TRPM6: variants seen among roughly 807,000 people sequenced by gnomAD.
TRPM6 encodes transient receptor potential cation channel subfamily M member 6, also known as channel kinase 2.
Under a neutral mutation model 247.6 loss-of-function variants are expected in TRPM6, and 111 were observed. The ratio of observed to expected loss-of-function variants is 0.45; its 90% CI spans 0.38 to 0.52. The LOEUF is 0.52. TRPM6 is among the 20% of genes least tolerant of loss of function. The pLI, the probability that TRPM6 is intolerant of heterozygous loss-of-function variation, is 0.00. For synonymous variants in TRPM6, 892 were observed against 853.8 expected (o/e 1.04, Z -0.78); for missense variants, 2,126 against 2,421.5 (o/e 0.88, Z 2.56).
chr9:74,848,853 G>A (rs1181599878), intron 3 of TRPM6, among the ~76,000 whole-genome samples: 1 of 152,046 alleles, frequency 6.6e-6, no homozygotes, highest in Non-Finnish European at 1.5e-5. Flanking sequence ...AATACATACA[G>A]TGAGAAGAAA....
intron 9 of TRPM6, among the ~76,000 whole-genome samples, chr9:74,817,186 C>T (rs1363278736): frequency 1.3e-5 from 2 of 152,108 alleles, no homozygotes; most frequent in Non-Finnish European, 2.9e-5. Flanking sequence ...CCAGAGGAAA[C>T]ATTTATGAAA....
chr9:74,788,772 TGA>T (rs749118725), intron 19 of TRPM6, 30 bp from the exon 20 acceptor site: 9 of 1,611,902 alleles, frequency 5.6e-6, no homozygotes, highest in Non-Finnish European at 6.8e-6. Flanking sequence ...TCCCCAGATG[TGA>T]GTGAGAGCAA....
intron 25 of TRPM6, among the ~76,000 whole-genome samples, chr9:74,771,363 T>G (rs1353055861): frequency 6.6e-6 from 1 of 152,230 alleles, no homozygotes; most frequent in Admixed American, 6.5e-5. Context: ...TTTTTGTGGT[T>G]CCTTACTTAG....
chr9:74,736,956 GT>G (rs371798390), intron 36 of TRPM6, among the ~76,000 whole-genome samples: 3 of 150,770 alleles, frequency 2.0e-5, no homozygotes, highest in South Asian at 2.1e-4. Context: ...TTCTTTCGTT[GT>G]TTTTTTTTGT....
intron 25 of TRPM6, among the ~76,000 whole-genome samples, chr9:74,770,760 T>C (rs1024398723): frequency 1.3e-5 from 2 of 152,128 alleles, no homozygotes; most frequent in Non-Finnish European, 2.9e-5. Context: ...CTTCAGCAAA[T>C]GGCCTCCTCC....
At chr9:74,884,878 T>A (rs1831485110) in intron 1 of TRPM6, among the ~76,000 whole-genome samples, 1 of 152,090 alleles carries the variant, frequency 6.6e-6, no homozygotes, top group Non-Finnish European at 1.5e-5. Context: ...AGGTGTGGGA[T>A]ATAGGAAACA....
chr9:74,809,157 A>G (rs563162848), intron 13 of TRPM6, among the ~76,000 whole-genome samples: 1 of 152,322 alleles, frequency 6.6e-6, no homozygotes, highest in African/African-American at 2.4e-5. Context: ...TAAAGAGAAT[A>G]TTGCAATAAA....
chr9:74,775,172 T>A (rs777201482), intron 24 of TRPM6, among the ~76,000 whole-genome samples: 5 of 152,124 alleles, frequency 3.3e-5, no homozygotes, highest in Non-Finnish European at 5.9e-5. Flanking sequence ...TATAAGCTTA[T>A]GAAAAAACAC....
rs367586784 is a variant in TRPM6 at position 74,802,098 on chromosome 9, G to A, written c.1809C>T (p.Gly603=). ...GCAGGTCATTGTAAGGGTAAAGAAAGCCAGTAGACTCAGGGTCATCTGATA... is the reference window on the plus strand; with the variant it reads ...GCAGGTCATTGTAAGGGTAAAGAAAACCAGTAGACTCAGGGTCATCTGATA... ...QNVSDDPEST[G]FLYPYNDLLV... The change falls in exon 16 of 39, where the codon GGC becomes GGT. Residue 603 remains glycine, a synonymous_variant. Coordinates refer to ENST00000360774, the MANE Select transcript of TRPM6 (RefSeq NM_017662.5). 3.2e-5 allele frequency: 52 copies of A among 1,614,000 alleles called. No individual in the cohort carries two copies. Among genetic ancestry groups the A allele is most frequent in the Non-Finnish European group, 4.4e-5 (52 of 1,180,016 alleles).
chr9:74,884,407 T>C (rs997897964), intron 1 of TRPM6, among the ~76,000 whole-genome samples: 23 of 152,004 alleles, frequency 1.5e-4, no homozygotes, highest in Non-Finnish European at 3.2e-4. Context: ...GAGAATGGTG[T>C]GAACCCAGCA....
Position 74,801,149 on chromosome 9 carries a change from G to A in TRPM6, c.2010-667C>T, listed in dbSNP as rs546755466. Among the ~76,000 whole-genome samples the A allele has an allele frequency of 1.4e-3, 205 of 151,606 alleles. 1 individual carries two copies. The highest frequency in any genetic ancestry group is 4.5e-3 in the African/African-American group (186 of 41,340). On this transcript the variant is annotated intron_variant, in intron 16 of 38. Transcript: ENST00000360774. ...GACAGGGTCTTGCTGTGTTGCCCAG[G>A]CTGGTCTTGAACTCCTAGCCTCAAT...
intron 3 of TRPM6, among the ~76,000 whole-genome samples, chr9:74,852,744 C>T (rs1336771514): frequency 6.6e-6 from 1 of 152,214 alleles, no homozygotes; most frequent in Non-Finnish European, 1.5e-5. Context: ...CTGCCCGCCT[C>T]GGCCTCCCGA....
In TRPM6 at chr9:74,801,960, G is replaced by A. The variant is rs1304590727; in HGVS notation, c.1947C>T (p.Ala649=). ...CCATGTGACTCTCCTTAGCTTCATG[G>A]GCCATTGCCCGGTAGAGGATACACG... ...VIACILYRAM[A]HEAKESHMVD... The change falls in exon 16 of 39, where the codon GCC becomes GCT. Residue 649 remains alanine, a synonymous_variant. Transcript: ENST00000360774. 6.2e-7 allele frequency: 1 copy of A among 1,614,048 alleles called. No individual in the cohort carries two copies. Among genetic ancestry groups the A allele is most frequent in the African/African-American group, 1.3e-5 (1 of 74,898 alleles).
chr9:74,869,431 G>A (rs964035911), intron 1 of TRPM6, among the ~76,000 whole-genome samples: 2 of 149,360 alleles, frequency 1.3e-5, no homozygotes, highest in Non-Finnish European at 3.0e-5. Flanking sequence ...TCCAGCCTGG[G>A]CAACAGAGCG....
At chr9:74,887,255 G>A (rs749361159) in intron 1 of TRPM6, 6 of 1,301,236 alleles carry the variant, frequency 4.6e-6, no homozygotes, top group Non-Finnish European at 5.8e-6. Flanking sequence ...TCATCGCTCC[G>A]GGACTCCTGC....
intron 32 of TRPM6, among the ~76,000 whole-genome samples, chr9:74,743,854 A>G (rs1825943262): frequency 6.6e-6 from 1 of 152,204 alleles, no homozygotes; most frequent in Non-Finnish European, 1.5e-5. Flanking sequence ...CTACTTTGCA[A>G]TCTGGAACTT....
intron 25 of TRPM6, among the ~76,000 whole-genome samples, chr9:74,768,640 C>T (rs993459124): frequency 1.3e-5 from 2 of 152,232 alleles, no homozygotes; most frequent in Non-Finnish European, 2.9e-5. Context: ...ACATCTGATC[C>T]TTAACATGCC....
At chr9:74,827,645 G>C (rs566607161) in intron 7 of TRPM6, 133 bp downstream of exon 7, 27 of 878,650 alleles carry the variant, frequency 3.1e-5, no homozygotes, top group African/African-American at 2.1e-4. Flanking sequence ...TGTGGGAAGG[G>C]GGGTGGCTGA....
In TRPM6 at chr9:74,775,952, C is replaced by T. The variant is rs776993925; in HGVS notation, c.3334G>A (p.Gly1112Ser). ...PPPLILLSHVGLLLRRLCCHR... is the reference protein window; with the variant it reads ...PPPLILLSHVSLLLRRLCCHR... ...CAGCACAGGCGGCGGAGGAGAAGGCCCACGTGGCTCAGCAGGATGAGAGGT... is the reference window on the plus strand; with the variant it reads ...CAGCACAGGCGGCGGAGGAGAAGGCTCACGTGGCTCAGCAGGATGAGAGGT... The change falls in exon 24 of 39, where the codon GGC (glycine) becomes AGC (serine). Residue 1112 changes from glycine to serine, a missense_variant. This residue lies in a region of TRPM6 where 717 missense variants were observed against 715.9 expected (regional missense o/e 1.00). Coordinates refer to ENST00000360774, the MANE Select transcript of TRPM6 (RefSeq NM_017662.5). The T allele has an allele frequency of 2.5e-6, 4 of 1,613,988 alleles. No individual in the cohort carries two copies. In the East Asian group the frequency reaches 6.7e-5, roughly 27 times the overall value.
Sources: allele counts gnomAD v4.1 joint callset (sites outside exome capture counted in the v4.1 genomes callset), GRCh38; gene constraint gnomAD v4.1.1; regional missense constraint gnomAD v4.1.1; transcripts MANE v1.5; gene names NCBI Gene and HGNC (gene_info 2026-07-23, HGNC 2026-07-21).